Variants in LINGO2 observed in about 807,000 individuals in gnomAD.
LINGO2 encodes leucine rich repeat and Ig domain containing 2.
Under a neutral mutation model 30.6 loss-of-function variants are expected in LINGO2, and 14 were observed. That is an observed-to-expected ratio of 0.46 (90% confidence interval 0.30 to 0.72). The LOEUF is 0.72. LINGO2 is among the 30% of genes least tolerant of loss of function. LINGO2 has a pLI of 0.07. For synonymous variants in LINGO2, 317 were observed against 288.5 expected, an observed-to-expected ratio of 1.10 and a Z score of -1.00; for missense variants, 729 against 751.7, an observed-to-expected ratio of 0.97 and a Z score of 0.35.
At chr9:29,201,270 A>G in the LINGO2 span, among the ~76,000 whole-genome samples, 1 of 152,070 alleles carries the variant, frequency 6.6e-6, no homozygotes. Flanking sequence ...TCATGTGTTT[A>G]TATCAGCATG....
chr9:28,901,624 A>G, the LINGO2 span, among the ~76,000 whole-genome samples: 1 of 151,904 alleles, frequency 6.6e-6, no homozygotes, highest in East Asian at 1.9e-4. Context: ...AAATTAAGTT[A>G]TCAGCTTAAA....
the LINGO2 span, among the ~76,000 whole-genome samples, chr9:28,913,238 T>C: frequency 6.6e-6 from 1 of 152,046 alleles, no homozygotes; most frequent in Admixed American, 6.6e-5. Flanking sequence ...TATTATAACA[T>C]GTGATGTAGT....
At chr9:28,053,105 G>A (rs1309148525) in intron 4 of LINGO2, among the ~76,000 whole-genome samples, 3 of 151,980 alleles carry the variant, frequency 2.0e-5, no homozygotes, top group African/African-American at 7.3e-5. Flanking sequence ...TGTGACAGGG[G>A]AACCATAAGG....
the LINGO2 span, among the ~76,000 whole-genome samples, chr9:28,787,182 G>C: frequency 2.0e-5 from 3 of 152,124 alleles, 1 homozygote; most frequent in Non-Finnish European, 4.4e-5. Flanking sequence ...TGAGGACTAG[G>C]GGAGGGGAAT....
chr9:29,095,779 G>A, the LINGO2 span, among the ~76,000 whole-genome samples: 11 of 137,944 alleles, frequency 8.0e-5, 3 homozygotes, highest in Non-Finnish European at 1.3e-4. Context: ...ATGCAGATTC[G>A]GTTTCCTGAC....
At chr9:28,250,950 C>A (rs552115786) in intron 4 of LINGO2, among the ~76,000 whole-genome samples, 1 of 150,468 alleles carries the variant, frequency 6.6e-6, no homozygotes, top group East Asian at 2.0e-4. Context: ...GACGCCCTCA[C>A]CATCAGGTGT....
chr9:28,511,059 C>A (rs1007328623), intron 1 of LINGO2, among the ~76,000 whole-genome samples: 1 of 151,954 alleles, frequency 6.6e-6, no homozygotes, highest in African/African-American at 2.4e-5. Flanking sequence ...GATCTGCCTT[C>A]CCCAGCCCAC....
intron 5 of LINGO2, among the ~76,000 whole-genome samples, chr9:28,011,942 C>T (rs774801445): frequency 2.7e-5 from 4 of 150,720 alleles, no homozygotes; most frequent in Non-Finnish European, 5.9e-5. Flanking sequence ...TAACCCCAAG[C>T]CTCTGAAGGA....
chr9:28,983,318 CAA>C, the LINGO2 span, among the ~76,000 whole-genome samples: 239 of 130,936 alleles, frequency 1.8e-3, no homozygotes, highest in South Asian at 0.011. Context: ...ATGAGGTATC[CAA>C]AAAAAAAAAA....
rs577535765 is a variant in LINGO2, at chr9:28,477,043, T to C, written c.-364-1018A>G. Among the ~76,000 whole-genome samples the C allele has an allele frequency of 4.4e-4, 67 of 152,274 alleles. No individual in the cohort carries two copies. In the Middle Eastern group the frequency reaches 0.024, roughly 54 times the overall value. On this transcript the variant is annotated intron_variant, in intron 1 of 5. Transcript: ENST00000379992. ...AGTGAACCACAGAAAGAGAGAAAGA[T>C]AAGTTGGCAGAAAACAGTAGAAACT...
intron 4 of LINGO2, among the ~76,000 whole-genome samples, chr9:28,049,153 A>G (rs1824557288): frequency 6.6e-6 from 1 of 150,814 alleles, no homozygotes; most frequent in Non-Finnish European, 1.5e-5. Context: ...CTAGTCAGCA[A>G]TGCATCATGG....
At chr9:28,170,610 C>A (rs9657614) in intron 4 of LINGO2, among the ~76,000 whole-genome samples, 1 of 152,104 alleles carries the variant, frequency 6.6e-6, no homozygotes, top group Non-Finnish European at 1.5e-5. Context: ...TAAAACAGAA[C>A]AAATTTATTA....
intron 4 of LINGO2, among the ~76,000 whole-genome samples, chr9:28,166,426 C>A (rs1254666960): frequency 1.3e-5 from 2 of 152,114 alleles, no homozygotes; most frequent in African/African-American, 4.8e-5. Flanking sequence ...AGATAATGTG[C>A]ACAGCTATGA....
At chr9:27,977,483 C>T (rs1440694979) in intron 5 of LINGO2, among the ~76,000 whole-genome samples, 6 of 151,834 alleles carry the variant, frequency 4.0e-5, no homozygotes, top group East Asian at 1.9e-4. Flanking sequence ...CAGATTACGA[C>T]GACTCCCTGA....
the LINGO2 span, among the ~76,000 whole-genome samples, chr9:29,194,353 T>C: frequency 6.6e-6 from 1 of 152,154 alleles, no homozygotes; most frequent in Admixed American, 6.5e-5. Context: ...CCTACTGCTA[T>C]GTTCTGCTAT....
chr9:28,593,907 A>G (rs554756297), intron 1 of LINGO2, among the ~76,000 whole-genome samples: 28 of 152,216 alleles, frequency 1.8e-4, no homozygotes, highest in African/African-American at 6.5e-4. Flanking sequence ...GAAGCAGCTT[A>G]AATTGTAGGA....
At chr9:28,590,132 G>T (rs62560664) in intron 1 of LINGO2, among the ~76,000 whole-genome samples, 28,505 of 151,818 alleles carry the variant, frequency 0.19, 3,005 homozygotes, top group Admixed American at 0.3. Context: ...ATCCCTTCCT[G>T]ACACCTTATA....
At chr9:28,258,303 T>G (rs1350922996) in intron 4 of LINGO2, among the ~76,000 whole-genome samples, 1 of 151,830 alleles carries the variant, frequency 6.6e-6, no homozygotes, top group Non-Finnish European at 1.5e-5. Flanking sequence ...AAAATCTCTC[T>G]CTCCCATCCT....
intron 1 of LINGO2, among the ~76,000 whole-genome samples, chr9:28,638,436 A>G (rs1399057166): frequency 6.6e-6 from 1 of 152,086 alleles, no homozygotes; most frequent in Non-Finnish European, 1.5e-5. Context: ...TTCACTGTGA[A>G]TCCGTCTGGT....
Sources: gnomAD v4.1 joint callset for allele counts (sites outside exome capture counted in the v4.1 genomes callset) on GRCh38, gnomAD v4.1.1 for gene constraint, MANE v1.5 for transcripts, NCBI Gene and HGNC (gene_info 2026-07-23, HGNC 2026-07-21) for gene names.